Variants in ANKRD11 observed in about 807,000 individuals in gnomAD.
The protein encoded by ANKRD11 is ankyrin repeat domain-containing protein 11.
A neutral mutation model predicts 195.7 loss-of-function variants in ANKRD11; 17 were observed. The ratio of observed to expected loss-of-function variants is 0.09; its 90% CI spans 0.06 to 0.13. The LOEUF is 0.13. Among genes scored for constraint, ANKRD11 ranks in the 10% least tolerant of loss-of-function variants. The pLI is 1.00. For missense variants in ANKRD11, 3,735 were observed against 3,566.1 expected (o/e 1.05, Z -1.21); for synonymous variants, 1,953 against 1,528.1 (o/e 1.28, Z -6.49).
intron 2 of ANKRD11, among the ~76,000 whole-genome samples, chr16:89,322,452 G>A (rs2037385027): frequency 6.6e-6 from 1 of 152,242 alleles, no homozygotes; most frequent in Admixed American, 6.5e-5. Flanking sequence ...CAAGGCCCCT[G>A]AGAAGGGATG....
chr16:89,390,703 G>C (rs1308639780), intron 2 of ANKRD11, among the ~76,000 whole-genome samples: 2 of 152,124 alleles, frequency 1.3e-5, no homozygotes, highest in Non-Finnish European at 2.9e-5. Flanking sequence ...TGAGCACACA[G>C]CCAGGGGCCA....
rs762766366 is a variant in ANKRD11, at chr16:89,284,995, C to A, written c.1547G>T (p.Ser516Ile). ...PLVLKDPSLF[S>I]SLSASSTSSH... ...CGAGGTGGAGGAGGCAGAGAGGGAG[C>A]TGAACAGGGAGGGGTCCTTCAGCAC... The change falls in exon 9 of 13, where the codon AGC (serine) becomes ATC (isoleucine). Residue 516 changes from serine to isoleucine, a missense_variant. Ser to Ile is a moderately radical substitution (Grantham distance 142). Transcript: ENST00000301030. 5.0e-6 allele frequency: 8 copies of A among 1,614,068 alleles called. No individual in the cohort carries two copies. The South Asian group carries it at 7.7e-5, about 16-fold the overall frequency.
chr16:89,301,304 TA>T (rs2151852239), intron 4 of ANKRD11: 1 of 378,756 alleles, frequency 2.6e-6, no homozygotes, highest in East Asian at 3.8e-5. Flanking sequence ...CTTACACATA[TA>T]AAAAAGTAGA....
chr16:89,479,269 A>G (rs375829033), intron 1 of ANKRD11, among the ~76,000 whole-genome samples: 13 of 152,056 alleles, frequency 8.5e-5, no homozygotes, highest in African/African-American at 2.9e-4. Flanking sequence ...ACAAAAACAA[A>G]AAAAGGAAAA....
At chr16:89,361,295 G>A (rs1278303864) in intron 2 of ANKRD11, among the ~76,000 whole-genome samples, 1 of 152,188 alleles carries the variant, frequency 6.6e-6, no homozygotes, top group Non-Finnish European at 1.5e-5. Context: ...GCCTTCCTTG[G>A]CCTCAGCACA....
At chr16:89,425,744 C>A (rs2042691588) in intron 1 of ANKRD11, among the ~76,000 whole-genome samples, 1 of 152,004 alleles carries the variant, frequency 6.6e-6, no homozygotes, top group African/African-American at 2.4e-5. Context: ...ATTTCGTTTT[C>A]TCTGATTTAA....
At chr16:89,306,953 C>T (rs2036315105) in intron 3 of ANKRD11, among the ~76,000 whole-genome samples, 1 of 152,172 alleles carries the variant, frequency 6.6e-6, no homozygotes, top group South Asian at 2.1e-4. Context: ...GTGCGACACA[C>T]ACAGCGCTTG....
intron 2 of ANKRD11, among the ~76,000 whole-genome samples, chr16:89,402,990 G>A (rs1428623171): frequency 2.0e-5 from 3 of 152,184 alleles, no homozygotes. Context: ...TCTAGAGCAA[G>A]GCCAGTCACC....
At chr16:89,419,911 C>T (rs180735777) in intron 1 of ANKRD11, among the ~76,000 whole-genome samples, 94 of 152,290 alleles carry the variant, frequency 6.2e-4, no homozygotes, top group African/African-American at 2.1e-3. Flanking sequence ...CGCTGGCTCA[C>T]GCCTGTAATC....
intron 2 of ANKRD11, among the ~76,000 whole-genome samples, chr16:89,360,257 G>T (rs1567698438): frequency 6.6e-6 from 1 of 152,128 alleles, no homozygotes; most frequent in African/African-American, 2.4e-5. Context: ...TTATGGCTAT[G>T]TTATCTTATC....
chr16:89,271,750 T>G (rs1188917659), intron 11 of ANKRD11: 1 of 152,076 alleles, frequency 6.6e-6, no homozygotes, highest in Non-Finnish European at 1.5e-5. Context: ...CAAACCAAAA[T>G]GGATCAAAGT....
At chr16:89,456,328 C>T (rs2056433103) in intron 1 of ANKRD11, among the ~76,000 whole-genome samples, 1 of 151,830 alleles carries the variant, frequency 6.6e-6, no homozygotes, top group Non-Finnish European at 1.5e-5. Context: ...ACAGGCAGAC[C>T]ACTTGAGGTC....
intron 1 of ANKRD11, among the ~76,000 whole-genome samples, chr16:89,448,047 C>T (rs1179100286): frequency 3.3e-5 from 5 of 150,794 alleles, no homozygotes; most frequent in African/African-American, 4.9e-5. Context: ...TCAGGTGATC[C>T]GCCCACCTTG....
chr16:89,321,513 CCCA>C lies in ANKRD11; in HGVS notation c.-59-4438_-59-4436del, dbSNP rs1341640008. On this transcript the variant is annotated intron_variant, in intron 2 of 12. Coordinates refer to ENST00000301030, the MANE Select transcript of ANKRD11 (RefSeq NM_013275.6). ...AGCCGCAGCTGCGGGGCAGGGGCTG[CCCA>C]GGAGCACTCCTTGCCAGAGGCCTTG... 2.0e-5 allele frequency among the ~76,000 whole-genome samples: 3 copies of C among 152,122 alleles called. No individual in the cohort carries two copies. In the East Asian group the frequency reaches 5.8e-4, roughly 29 times the overall value.
intron 2 of ANKRD11, among the ~76,000 whole-genome samples, chr16:89,383,098 T>G (rs1444989836): frequency 6.6e-6 from 1 of 152,180 alleles, no homozygotes; most frequent in Non-Finnish European, 1.5e-5. Flanking sequence ...CACTGTAATA[T>G]AGGTTTTAAA....
chr16:89,411,086 T>C (rs1223246294), intron 2 of ANKRD11, among the ~76,000 whole-genome samples: 1 of 152,028 alleles, frequency 6.6e-6, no homozygotes, highest in Non-Finnish European at 1.5e-5. Context: ...AGGAGGCAGG[T>C]TCCTGAAGCT....
At chr16:89,437,512 C>T (rs1036056678) in intron 1 of ANKRD11, among the ~76,000 whole-genome samples, 22 of 152,126 alleles carry the variant, frequency 1.4e-4, no homozygotes, top group African/African-American at 5.3e-4. Context: ...CCCCTCACTT[C>T]CCAGCATGCC....
chr16:89,281,017 T>C lies in ANKRD11; in HGVS notation c.5525A>G (p.Lys1842Arg). ...GTACCCTGGCGACAAGCAGGCAAACTTCTCCGCGGGAACCGGGGGCAGGGG... is the reference window on the plus strand; with the variant it reads ...GTACCCTGGCGACAAGCAGGCAAACCTCTCCGCGGGAACCGGGGGCAGGGG... ...RAPLPPVPAEKFACLSPGYYS... is the reference protein window; with the variant it reads ...RAPLPPVPAERFACLSPGYYS... Residue 1842 changes from lysine to arginine, a missense_variant, in exon 9 of 13, where the codon AAG (lysine) becomes AGG (arginine). Transcript: ENST00000301030. This position sits in a 1 kb window ranked among gnomAD's most constrained non-coding sequence, Gnocchi z 5.5. 1 of 1,589,096 alleles carries C rather than the reference T, an allele frequency of 6.3e-7. No homozygotes were observed. Among genetic ancestry groups the C allele is most frequent in the Non-Finnish European group, 8.6e-7 (1 of 1,166,038 alleles).
At chr16:89,359,960 G>A (rs745661605) in intron 2 of ANKRD11, among the ~76,000 whole-genome samples, 1 of 151,910 alleles carries the variant, frequency 6.6e-6, no homozygotes, top group African/African-American at 2.4e-5. Context: ...AACACATGTC[G>A]GCAGTGGGCG....
Sources: gnomAD v4.1 joint callset for allele counts (sites outside exome capture counted in the v4.1 genomes callset) on GRCh38, gnomAD v4.1.1 for gene constraint, Gnocchi (gnomAD v3.1) non-coding constraint, MANE v1.5 for transcripts, NCBI Gene and HGNC (gene_info 2026-07-23, HGNC 2026-07-21) for gene names.